The following NBEA variants were observed in gnomAD, a reference collection of about 807,000 sequenced individuals.
The protein encoded by NBEA is neurobeachin.
In NBEA, 44 loss-of-function variants were observed where a neutral mutation model predicts 343.4. The ratio of observed to expected loss-of-function variants is 0.13; its 90% confidence interval spans 0.10 to 0.16. The LOEUF (loss-of-function observed/expected upper bound fraction) is 0.16. Among genes scored for constraint, NBEA ranks in the 10% least tolerant of loss-of-function variants. NBEA has a pLI of 1.00. For missense variants in NBEA, 2,555 were observed against 3,631.3 expected, an observed-to-expected ratio of 0.70 and a Z score of 7.62; for synonymous variants, 1,175 against 1,238.7, an observed-to-expected ratio of 0.95 and a Z score of 1.08.
chr13:35,319,121 A>C (rs1434936327), intron 36 of NBEA, among the ~76,000 whole-genome samples: 2 of 151,704 alleles, frequency 1.3e-5, no homozygotes, highest in East Asian at 3.9e-4. Context: ...CTCTGATCTT[A>C]TTTATTTCTT....
At chr13:34,989,169 TC>T (rs2060661917) in intron 1 of NBEA, among the ~76,000 whole-genome samples, 1 of 151,038 alleles carries the variant, frequency 6.6e-6, no homozygotes, top group South Asian at 2.1e-4. Flanking sequence ...CCATACTGTT[TC>T]ACTTAAAAAA....
At chr13:35,032,662 T>TG (rs1566187599) in intron 1 of NBEA, among the ~76,000 whole-genome samples, 3 of 151,678 alleles carry the variant, frequency 2.0e-5, no homozygotes, top group African/African-American at 7.2e-5. Context: ...TTTTTGCCAG[T>TG]GTTTATTATG....
At chr13:35,455,398 A>T (rs1010115938) in intron 40 of NBEA, among the ~76,000 whole-genome samples, 5 of 129,906 alleles carry the variant, frequency 3.8e-5, no homozygotes, top group South Asian at 2.6e-4. Flanking sequence ...TTCTGTTTAT[A>T]AAAAAAAAAA....
intron 1 of NBEA, among the ~76,000 whole-genome samples, chr13:34,992,857 T>G (rs1388565407): frequency 1.4e-5 from 2 of 140,682 alleles, no homozygotes; most frequent in East Asian, 4.1e-4. Flanking sequence ...TTTTTTTTTG[T>G]ATTTTTTAGT....
At chr13:35,646,054 C>T (rs1419574918) in intron 50 of NBEA, 123 bp downstream of exon 50, 29 of 728,270 alleles carry the variant, frequency 4.0e-5, no homozygotes, top group South Asian at 5.7e-5. Flanking sequence ...ACTGGGTTAA[C>T]TGAAGCATGT....
At chr13:35,591,092 T>G (rs1334973880) in intron 46 of NBEA, among the ~76,000 whole-genome samples, 2 of 152,090 alleles carry the variant, frequency 1.3e-5, no homozygotes, top group East Asian at 3.8e-4. Flanking sequence ...TCAAGCTTTC[T>G]CTATGTTATT....
At chr13:35,431,216 G>C (rs1163054756) in intron 38 of NBEA, among the ~76,000 whole-genome samples, 1 of 151,924 alleles carries the variant, frequency 6.6e-6, no homozygotes, top group Non-Finnish European at 1.5e-5. Flanking sequence ...ACATACATAG[G>C]TCCTGCCTTA....
intron 28 of NBEA, among the ~76,000 whole-genome samples, chr13:35,177,344 G>T (rs1159304535): frequency 6.6e-6 from 1 of 151,832 alleles, no homozygotes; most frequent in South Asian, 2.1e-4. Context: ...CTAAGAATAG[G>T]ACTAGCTCTG....
intron 10 of NBEA, among the ~76,000 whole-genome samples, chr13:35,097,464 C>T (rs1210703665): frequency 6.6e-6 from 1 of 151,880 alleles, no homozygotes; most frequent in African/African-American, 2.4e-5. Context: ...TTTTGAGCTA[C>T]ATTAAGCATA....
chr13:35,517,576 C>T (rs1023410240), intron 41 of NBEA, among the ~76,000 whole-genome samples: 4 of 152,190 alleles, frequency 2.6e-5, no homozygotes, highest in African/African-American at 9.6e-5. Flanking sequence ...GCCTCTCCCA[C>T]CTCTTTAGCC....
chr13:35,524,450 A>G (rs191505176), intron 41 of NBEA, among the ~76,000 whole-genome samples: 1 of 152,166 alleles, frequency 6.6e-6, no homozygotes, highest in East Asian at 1.9e-4. Context: ...AGAGTTTTCC[A>G]TTAAGCTCCA....
intron 1 of NBEA, among the ~76,000 whole-genome samples, chr13:35,035,988 G>A (rs975734870): frequency 6.6e-6 from 1 of 151,872 alleles, no homozygotes; most frequent in African/African-American, 2.4e-5. Flanking sequence ...TCTTTTGATT[G>A]GTGAGTTTAG....
At chr13:35,179,740 A>C (rs551463734) in intron 28 of NBEA, 1 of 982,402 alleles carries the variant, frequency 1.0e-6, no homozygotes, top group Non-Finnish European at 1.2e-6. Context: ...TTAGAAATAG[A>C]AGTATTATGG....
chr13:35,010,726 CAA>C lies in NBEA; in HGVS notation c.295-30192_295-30191del, dbSNP rs769896169. On this transcript the variant is annotated intron_variant, in intron 1 of 58. Coordinates refer to ENST00000379939, the MANE Select transcript of NBEA (RefSeq NM_001385012.1). ...ACAACATAGCAAGACTGGGTCTCTACAAAAAAAAAAAAAAAATATATATATAT... is the reference window on the plus strand; with the variant it reads ...ACAACATAGCAAGACTGGGTCTCTACAAAAAAAAAAAAAATATATATATAT... Among the ~76,000 whole-genome samples the C allele has an allele frequency of 1.9e-3, 18 of 9,698 alleles. 1 individual carries two copies. In the South Asian group the frequency reaches 0.029, roughly 16 times the overall value. The allele number at this position is 9,698 out of a possible 152,430, so 6.4% of individuals were successfully genotyped here.
rs181283538 is a variant in NBEA, at chr13:35,065,440, C to T, written c.1240-4468C>T. On this transcript the variant is annotated intron_variant, in intron 8 of 58. Coordinates refer to ENST00000379939, the MANE Select transcript of NBEA (RefSeq NM_001385012.1). Reference sequence around the variant, plus strand: ...GGTAGATATGTATTGGTGTTGGTCACTGTGAGTTAATTTCTCAGGTATGTG... The same window carrying T: ...GGTAGATATGTATTGGTGTTGGTCATTGTGAGTTAATTTCTCAGGTATGTG... Among the ~76,000 whole-genome samples, 109 of 151,938 alleles carry T rather than the reference C, an allele frequency of 7.2e-4. 1 individual carries two copies. Among genetic ancestry groups the T allele is most frequent in the Middle Eastern group, 3.4e-3 (1 of 292 alleles).
At chr13:35,284,212 C>T (rs1433091091) in intron 34 of NBEA, among the ~76,000 whole-genome samples, 1 of 152,084 alleles carries the variant, frequency 6.6e-6, no homozygotes, top group Admixed American at 6.6e-5. Flanking sequence ...GTTTGCTGCC[C>T]CCTAATATAT....
chr13:35,049,846 G>GT (rs36011004), intron 5 of NBEA, among the ~76,000 whole-genome samples: 4 of 149,086 alleles, frequency 2.7e-5, no homozygotes, highest in African/African-American at 4.9e-5. Flanking sequence ...CTCTGACCAA[G>GT]TTTTTTTTTC....
chr13:35,472,368 T>C lies in NBEA; in HGVS notation c.6449-32T>C, dbSNP rs906628489. 3.1e-6 allele frequency: 5 copies of C among 1,604,744 alleles called. No individual in the cohort carries two copies. The South Asian group carries it at 3.3e-5, about 11-fold the overall frequency. ...AGGGAGCAGGAAGGGCCACAGGGGC[T>C]CAGCCTGACTCCCCTTGTCCTTGCC... On this transcript the variant is annotated intron_variant, in intron 40 of 58. Transcript: ENST00000379939.
intron 1 of NBEA, among the ~76,000 whole-genome samples, chr13:35,002,173 T>C (rs1278472043): frequency 6.6e-6 from 1 of 152,142 alleles, no homozygotes; most frequent in African/African-American, 2.4e-5. Context: ...AGACCAGCAG[T>C]TGCAGTTGGT....
Sources: gnomAD v4.1 joint callset for allele counts (sites outside exome capture counted in the v4.1 genomes callset) on GRCh38, gnomAD v4.1.1 for gene constraint, MANE v1.5 for transcripts, NCBI Gene and HGNC (gene_info 2026-07-23, HGNC 2026-07-21) for gene names.